BTRC: variants seen among roughly 807,000 people sequenced by gnomAD.
BTRC encodes the protein beta-transducin repeat containing E3 ubiquitin protein ligase.
BTRC carries 42 observed loss-of-function variants against 85.5 expected under a neutral mutation model. That is an observed-to-expected ratio of 0.49 (90% CI 0.38 to 0.64). The LOEUF is 0.64. BTRC is among the 30% of genes least tolerant of loss of function. BTRC has a pLI of 0.00. For synonymous variants in BTRC, 255 were observed against 263.3 expected, an observed-to-expected ratio of 0.97 and a Z score of 0.30; for missense variants, 594 against 743.5, an observed-to-expected ratio of 0.80 and a Z score of 2.34.
chr10:101,409,829 G>A (rs549621296), intron 1 of BTRC, among the ~76,000 whole-genome samples: 4 of 152,052 alleles, frequency 2.6e-5, no homozygotes, highest in Admixed American at 1.3e-4. Flanking sequence ...GTATTTTTGG[G>A]CTGTTTTCAA....
chr10:101,361,210 A>G (rs932380009), intron 1 of BTRC, among the ~76,000 whole-genome samples: 36 of 151,966 alleles, frequency 2.4e-4, no homozygotes, highest in African/African-American at 8.4e-4. Flanking sequence ...GGGTTCAAAC[A>G]GTTCTCCTGC....
At chr10:101,414,657 C>G in intron 1 of BTRC, 1 of 517,878 alleles carries the variant, frequency 1.9e-6, no homozygotes, top group Non-Finnish European at 3.9e-6. Context: ...CTCCCAAAGA[C>G]CTTCCAGTGC....
At chr10:101,540,190 C>T (rs2062445247) in intron 13 of BTRC, among the ~76,000 whole-genome samples, 1 of 152,172 alleles carries the variant, frequency 6.6e-6, no homozygotes, top group South Asian at 2.1e-4. Context: ...TCAGAAAAAC[C>T]TTTGACTAAT....
intron 1 of BTRC, 94 bp downstream of exon 1, chr10:101,354,322 G>A: frequency 7.1e-7 from 1 of 1,400,208 alleles, no homozygotes; most frequent in Non-Finnish European, 9.7e-7. Context: ...ACCGGGCAGC[G>A]GGACCCTGGG....
In BTRC at chr10:101,531,420, T is replaced by A. The variant is rs541529299; in HGVS notation, c.840+87T>A. The A allele has an allele frequency of 6.6e-5, 68 of 1,031,574 alleles. No individual in the cohort carries two copies. In the South Asian group the frequency reaches 1.0e-3, roughly 16 times the overall value. 63.9% of individuals were successfully genotyped at this position (1,031,574 alleles called of 1,614,324 possible). ...CACAGTATGGTTACAGCAAGCCCATTAAGGTTTATTGACATGAGTTGGGAA... is the reference window on the plus strand; with the variant it reads ...CACAGTATGGTTACAGCAAGCCCATAAAGGTTTATTGACATGAGTTGGGAA... On this transcript the variant is annotated intron_variant, in intron 7 of 14. Transcript: ENST00000370187.
chr10:101,516,833 T>A (rs890257598), intron 4 of BTRC, among the ~76,000 whole-genome samples: 1 of 152,220 alleles, frequency 6.6e-6, no homozygotes, highest in Middle Eastern at 3.2e-3. Context: ...TGATTGTTCT[T>A]CTCTGTTACT....
At chr10:101,409,299 C>T (rs1328973004) in intron 1 of BTRC, among the ~76,000 whole-genome samples, 3 of 152,134 alleles carry the variant, frequency 2.0e-5, no homozygotes, top group Non-Finnish European at 4.4e-5. Context: ...CTATTCTGGA[C>T]ATTTCATATA....
At chr10:101,371,054 G>A in intron 1 of BTRC, among the ~76,000 whole-genome samples, 1 of 152,038 alleles carries the variant, frequency 6.6e-6, no homozygotes, top group Non-Finnish European at 1.5e-5. Flanking sequence ...TATTCACACT[G>A]TTTTGCATAT....
intron 4 of BTRC, among the ~76,000 whole-genome samples, chr10:101,486,012 A>G (rs1481318487): frequency 6.6e-6 from 1 of 152,198 alleles, no homozygotes; most frequent in Non-Finnish European, 1.5e-5. Context: ...AAACAGTGCG[A>G]TCTGCGGGGC....
At chr10:101,377,123 G>T (rs140740002) in intron 1 of BTRC, among the ~76,000 whole-genome samples, 1 of 152,216 alleles carries the variant, frequency 6.6e-6, no homozygotes, top group East Asian at 1.9e-4. Flanking sequence ...ATGTTTTTGA[G>T]AATGTCATAT....
At chr10:101,463,206 G>T (rs1400036280) in intron 3 of BTRC, among the ~76,000 whole-genome samples, 1 of 151,940 alleles carries the variant, frequency 6.6e-6, no homozygotes, top group Non-Finnish European at 1.5e-5. Flanking sequence ...CTACCACACC[G>T]GGCTAATTTT....
intron 6 of BTRC, 125 bp from the exon 7 acceptor site, chr10:101,531,112 A>G (rs936493184): frequency 1.5e-6 from 1 of 686,168 alleles, no homozygotes; most frequent in Non-Finnish European, 2.4e-6. Context: ...CGGAGGTTGC[A>G]GTGAGCCAAC....
At chr10:101,416,359 G>A (rs1318468838) in intron 1 of BTRC, among the ~76,000 whole-genome samples, 2 of 151,972 alleles carry the variant, frequency 1.3e-5, no homozygotes, top group Non-Finnish European at 2.9e-5. Flanking sequence ...TGAATGCTTC[G>A]TAATTATTCA....
chr10:101,509,719 ATT>A (rs549474862), intron 4 of BTRC, among the ~76,000 whole-genome samples: 5 of 120,342 alleles, frequency 4.2e-5, no homozygotes, highest in Non-Finnish European at 4.9e-5. Context: ...CACACAGCTA[ATT>A]TTTTTTTTTT....
chr10:101,412,788 T>C (rs976876302), intron 1 of BTRC, among the ~76,000 whole-genome samples: 8 of 152,212 alleles, frequency 5.3e-5, no homozygotes, highest in Non-Finnish European at 8.8e-5. Flanking sequence ...AGATACACAC[T>C]AGTCTATTTA....
At chr10:101,522,320 G>A (rs1271519661) in intron 5 of BTRC, among the ~76,000 whole-genome samples, 3 of 129,710 alleles carry the variant, frequency 2.3e-5, no homozygotes, top group African/African-American at 5.7e-5. Flanking sequence ...GATTACAGGC[G>A]TGAGCCACCA....
chr10:101,532,202 A>G, intron 7 of BTRC, 93 bp from the exon 8 acceptor site: 2 of 1,361,488 alleles, frequency 1.5e-6, no homozygotes, highest in Non-Finnish European at 2.0e-6. Context: ...CCCATAGAGT[A>G]AAGCATTGAG....
intron 6 of BTRC, among the ~76,000 whole-genome samples, chr10:101,529,506 C>A (rs1039932530): frequency 1.3e-5 from 2 of 152,254 alleles, no homozygotes; most frequent in Middle Eastern, 3.4e-3. Flanking sequence ...TCTTCACATT[C>A]AAAATCTATT....
At position 101,535,376 on chromosome 10, in the gene BTRC, A is replaced by C; in HGVS notation, c.1370A>C (p.Glu457Ala). ...TIKVWNTSTC[E>A]FVRTLNGHKR... is the part of the protein sequence containing the mutation. ...CAGGTATGGAACACAAGTACTTGTG[A>C]ATTTGTAAGGACCTTAAATGGACAC... Residue 457 changes from glutamate (E) to alanine (A), a missense_variant, in exon 11 of 15, where the codon GAA becomes GCA. Physicochemically the swap from Glu to Ala is moderately radical, Grantham distance 107 (BLOSUM62 -1). This residue lies in a region of BTRC where 373 missense variants were observed against 503.6 expected (regional missense o/e 0.74). Coordinates refer to ENST00000370187, the MANE Select transcript of BTRC (RefSeq NM_033637.4). 6.2e-7 allele frequency: 1 copy of C among 1,613,880 alleles called. No individual in the cohort carries two copies. Among genetic ancestry groups the C allele is most frequent in the East Asian group, 2.2e-5 (1 of 44,872 alleles).
Sources: gnomAD v4.1 joint callset for allele counts (sites outside exome capture counted in the v4.1 genomes callset) on GRCh38, gnomAD v4.1.1 for gene constraint, gnomAD v4.1.1 regional missense constraint, MANE v1.5 for transcripts, NCBI Gene and HGNC (gene_info 2026-07-23, HGNC 2026-07-21) for gene names.